Variants in TENM2 observed in about 807,000 individuals in gnomAD.
TENM2 encodes the protein teneurin-2.
Under a neutral mutation model 245.2 loss-of-function variants are expected in TENM2, and 52 were observed. That is an observed-to-expected ratio of 0.21 (90% CI 0.17 to 0.27). The LOEUF (loss-of-function observed/expected upper bound fraction) is 0.27. Ranked by LOEUF, TENM2 falls within the 10% of genes least tolerant of loss-of-function variation. The pLI, the probability that TENM2 is intolerant of heterozygous loss-of-function variation, is 1.00. For missense variants in TENM2, 3,046 were observed against 3,666.8 expected (o/e 0.83, Z 4.37); for synonymous variants, 1,363 against 1,438.9 (o/e 0.95, Z 1.19).
chr5:167,298,198 T>A (rs1434568702), intron 1 of TENM2, among the ~76,000 whole-genome samples: 1 of 151,970 alleles, frequency 6.6e-6, no homozygotes, highest in Admixed American at 6.6e-5. Context: ...GTGGGAGAGA[T>A]TAAGCTGAAG....
At chr5:167,162,693 A>G in the TENM2 span, among the ~76,000 whole-genome samples, 2 of 152,086 alleles carry the variant, frequency 1.3e-5, no homozygotes, top group African/African-American at 2.4e-5. Context: ...GCTTTAAGCC[A>G]AAACAATTTT....
At chr5:167,706,051 A>G (rs1186877710) in intron 2 of TENM2, among the ~76,000 whole-genome samples, 1 of 144,732 alleles carries the variant, frequency 6.9e-6, no homozygotes, top group African/African-American at 2.5e-5. Context: ...ATATTATACA[A>G]TATATATTTA....
intron 4 of TENM2, among the ~76,000 whole-genome samples, chr5:167,958,567 A>G (rs889619456): frequency 6.6e-6 from 1 of 152,048 alleles, no homozygotes; most frequent in Non-Finnish European, 1.5e-5. Flanking sequence ...TAGTTTCTTC[A>G]TGGTGTTGAT....
intron 4 of TENM2, among the ~76,000 whole-genome samples, chr5:167,981,927 T>C (rs1782865677): frequency 1.4e-5 from 2 of 143,730 alleles, no homozygotes; most frequent in African/African-American, 5.3e-5. Context: ...TGAGCTGACA[T>C]CACACCACTG....
intron 8 of TENM2, among the ~76,000 whole-genome samples, chr5:168,097,221 T>A (rs1022749958): frequency 6.6e-6 from 1 of 152,156 alleles, no homozygotes; most frequent in African/African-American, 2.4e-5. Flanking sequence ...GAATAACTAC[T>A]CCTATTTTGA....
At chr5:167,099,731 A>G in the TENM2 span, among the ~76,000 whole-genome samples, 6 of 152,096 alleles carry the variant, frequency 3.9e-5, no homozygotes, top group African/African-American at 1.4e-4. Flanking sequence ...CAAAAACAAA[A>G]CTAAGTTACA....
At chr5:167,125,704 C>T in the TENM2 span, among the ~76,000 whole-genome samples, 9 of 152,180 alleles carry the variant, frequency 5.9e-5, no homozygotes, top group Admixed American at 1.3e-4. Context: ...TGTAATCGTC[C>T]GTATGCAGCT....
At chr5:167,167,783 C>T in the TENM2 span, among the ~76,000 whole-genome samples, 1 of 152,164 alleles carries the variant, frequency 6.6e-6, no homozygotes, top group Non-Finnish European at 1.5e-5. Context: ...CAAAGCCTAG[C>T]ACCTGCCCTG....
the TENM2 span, among the ~76,000 whole-genome samples, chr5:167,216,064 A>G: frequency 6.9e-4 from 105 of 152,314 alleles, 1 homozygote; most frequent in African/African-American, 2.5e-3. Flanking sequence ...CCTCACAGTA[A>G]TCACAAGAGG....
At chr5:167,449,509 CAGAT>C (rs60756285) in intron 2 of TENM2, among the ~76,000 whole-genome samples, 20,097 of 143,712 alleles carry the variant, frequency 0.14, 1,439 homozygotes, top group Middle Eastern at 0.16. Flanking sequence ...TAAAGATATG[CAGAT>C]AGATAGATAG....
the TENM2 span, among the ~76,000 whole-genome samples, chr5:167,013,764 T>G: frequency 5.3e-5 from 8 of 152,168 alleles, no homozygotes; most frequent in African/African-American, 1.4e-4. Context: ...TAGGTCTGAC[T>G]GAAGGAAAGG....
At chr5:167,824,878 G>A (rs1767828975) in intron 2 of TENM2, among the ~76,000 whole-genome samples, 1 of 152,300 alleles carries the variant, frequency 6.6e-6, no homozygotes, top group South Asian at 2.1e-4. Context: ...AACGCCATGT[G>A]CATGTTTCAG....
intron 5 of TENM2, among the ~76,000 whole-genome samples, chr5:168,032,803 G>C (rs1787259501): frequency 6.6e-6 from 1 of 152,128 alleles, no homozygotes; most frequent in Non-Finnish European, 1.5e-5. Context: ...GAGAGGAAGG[G>C]GAAAATGCAG....
intron 4 of TENM2, among the ~76,000 whole-genome samples, chr5:167,971,196 TAGAGAC>T (rs1001910081): frequency 3.4e-5 from 5 of 148,896 alleles, no homozygotes; most frequent in African/African-American, 1.2e-4. Flanking sequence ...ATGATAGAGA[TAGAGAC>T]AGAGATAGAG....
intron 8 of TENM2, among the ~76,000 whole-genome samples, chr5:168,092,922 T>C (rs555958960): frequency 1.6e-4 from 25 of 152,334 alleles, no homozygotes; most frequent in South Asian, 1.2e-3. Flanking sequence ...TATTATGCCT[T>C]CGTGTCTGTT....
At chr5:167,031,578 T>A in the TENM2 span, among the ~76,000 whole-genome samples, 1 of 152,176 alleles carries the variant, frequency 6.6e-6, no homozygotes, top group African/African-American at 2.4e-5. Context: ...TTGAGGTTTT[T>A]TTTGAGATGG....
At chr5:167,060,766 G>A in the TENM2 span, among the ~76,000 whole-genome samples, 1 of 150,952 alleles carries the variant, frequency 6.6e-6, no homozygotes, top group Non-Finnish European at 1.5e-5. Flanking sequence ...TTATTATTAA[G>A]ATATTTTATA....
the TENM2 span, among the ~76,000 whole-genome samples, chr5:167,278,000 T>C: frequency 4.6e-5 from 7 of 152,114 alleles, no homozygotes; most frequent in Non-Finnish European, 7.4e-5. Flanking sequence ...GCCTGGATTG[T>C]TATATATAAA....
chr5:167,819,075 T>C (rs1767297926), intron 2 of TENM2, among the ~76,000 whole-genome samples: 1 of 152,204 alleles, frequency 6.6e-6, no homozygotes, highest in South Asian at 2.1e-4. Context: ...TGTGTGTGTG[T>C]GTGTGTGTGC....
Sources: gnomAD v4.1 joint callset for allele counts (sites outside exome capture counted in the v4.1 genomes callset) on GRCh38, gnomAD v4.1.1 for gene constraint, MANE v1.5 for transcripts, NCBI Gene and HGNC (gene_info 2026-07-23, HGNC 2026-07-21) for gene names.